The following PTPRT variants were observed in gnomAD, a reference collection of about 807,000 sequenced individuals.
The protein encoded by PTPRT is protein tyrosine phosphatase receptor type T.
Under a neutral mutation model 176.8 loss-of-function variants are expected in PTPRT, and 56 were observed. The observed-to-expected ratio is 0.32, with a 90% CI of 0.26 to 0.40. The LOEUF is 0.40. Ranked by LOEUF, PTPRT falls within the 10% of genes least tolerant of loss-of-function variation. The pLI, the probability that PTPRT is intolerant of heterozygous loss-of-function variation, is 1.00. For synonymous variants in PTPRT, 783 were observed against 739.0 expected (o/e 1.06, Z -0.96); for missense variants, 1,540 against 1,908.2 (o/e 0.81, Z 3.60).
the PTPRT span, among the ~76,000 whole-genome samples, chr20:42,065,119 T>C: frequency 6.6e-6 from 1 of 152,234 alleles, no homozygotes; most frequent in Non-Finnish European, 1.5e-5. Flanking sequence ...GGCTTAAAGA[T>C]GTCTGTAGTC....
intron 1 of PTPRT, among the ~76,000 whole-genome samples, chr20:43,104,848 T>C (rs1040915412): frequency 2.6e-5 from 4 of 152,184 alleles, no homozygotes; most frequent in Non-Finnish European, 4.4e-5. Context: ...GAGTATTAAA[T>C]AGATAATGCA....
chr20:42,982,245 C>T lies in PTPRT; in HGVS notation c.89-96313G>A, dbSNP rs190914835. Among the ~76,000 whole-genome samples the T allele has an allele frequency of 1.9e-3, 293 of 152,268 alleles. 1 individual carries two copies. The highest frequency in any genetic ancestry group is 0.011 in the East Asian group (55 of 5,184). On this transcript the variant is annotated intron_variant, in intron 1 of 30. Coordinates refer to ENST00000373187, the MANE Select transcript of PTPRT (RefSeq NM_007050.6). ...AACGTACTCAGCATCATTATGCTGC[C>T]GGCACGGGGCTGGGTGGTGGAGAGA...
intron 1 of PTPRT, among the ~76,000 whole-genome samples, chr20:42,955,739 G>C (rs1276777964): frequency 6.6e-6 from 1 of 152,032 alleles, no homozygotes; most frequent in African/African-American, 2.4e-5. Flanking sequence ...CCCAGGAACA[G>C]AGGCTGAGGC....
At chr20:42,052,519 A>AT in the PTPRT span, among the ~76,000 whole-genome samples, 5 of 151,472 alleles carry the variant, frequency 3.3e-5, no homozygotes, top group East Asian at 1.9e-4. Flanking sequence ...CTCCCATACC[A>AT]TTTTTTTTAG....
At chr20:42,088,123 G>A (rs900359787) in intron 27 of PTPRT, among the ~76,000 whole-genome samples, 3 of 152,064 alleles carry the variant, frequency 2.0e-5, no homozygotes, top group Middle Eastern at 3.2e-3. Flanking sequence ...ACAAGATTGC[G>A]GCTGCAGGCT....
chr20:42,875,459 G>A (rs2078914879), intron 2 of PTPRT, among the ~76,000 whole-genome samples: 1 of 152,156 alleles, frequency 6.6e-6, no homozygotes, highest in Non-Finnish European at 1.5e-5. Flanking sequence ...GTAGCTCCAA[G>A]TACACGAAAA....
At chr20:42,987,602 G>C (rs1835303221) in intron 1 of PTPRT, among the ~76,000 whole-genome samples, 1 of 151,874 alleles carries the variant, frequency 6.6e-6, no homozygotes, top group South Asian at 2.1e-4. Flanking sequence ...CATACCAAAT[G>C]TCAGCCACCT....
intron 11 of PTPRT, among the ~76,000 whole-genome samples, chr20:42,324,286 T>C (rs2057849434): frequency 2.6e-5 from 4 of 152,200 alleles, no homozygotes; most frequent in Admixed American, 2.6e-4. Flanking sequence ...TATTGTATGA[T>C]TCTATTCGTA....
chr20:42,262,422 G>T (rs1410618782), intron 13 of PTPRT, among the ~76,000 whole-genome samples: 1 of 152,276 alleles, frequency 6.6e-6, no homozygotes, highest in East Asian at 1.9e-4. Context: ...GAGATCCCAG[G>T]CGAGACACTG....
chr20:42,539,152 G>T (rs1026157957), intron 7 of PTPRT, among the ~76,000 whole-genome samples: 1 of 152,108 alleles, frequency 6.6e-6, no homozygotes, highest in African/African-American at 2.4e-5. Flanking sequence ...TTGGTATTCA[G>T]TAAGACTCAG....
At chr20:42,731,995 T>G (rs2076468576) in intron 6 of PTPRT, among the ~76,000 whole-genome samples, 1 of 152,230 alleles carries the variant, frequency 6.6e-6, no homozygotes, top group Non-Finnish European at 1.5e-5. Flanking sequence ...CCCTACTTAC[T>G]TTCTGTCGTG....
intron 1 of PTPRT, among the ~76,000 whole-genome samples, chr20:42,926,685 G>A (rs569733166): frequency 1.3e-5 from 2 of 152,204 alleles, no homozygotes; most frequent in South Asian, 2.1e-4. Context: ...CTTCCTCCCC[G>A]TGTGCCCAAG....
chr20:42,843,511 G>A (rs1202712183), intron 2 of PTPRT, among the ~76,000 whole-genome samples: 1 of 152,222 alleles, frequency 6.6e-6, no homozygotes, highest in Non-Finnish European at 1.5e-5. Flanking sequence ...GCAGATGGTA[G>A]CATCTCAAAT....
chr20:42,402,113 T>G (rs2058914290), intron 9 of PTPRT, among the ~76,000 whole-genome samples: 3 of 151,998 alleles, frequency 2.0e-5, no homozygotes, highest in South Asian at 4.1e-4. Context: ...TAGAGAAAAG[T>G]GAATGAAGCA....
intron 30 of PTPRT, among the ~76,000 whole-genome samples, chr20:42,081,662 T>C (rs1983341084): frequency 6.6e-6 from 1 of 152,160 alleles, no homozygotes; most frequent in Admixed American, 6.5e-5. Context: ...GCAAAGTAGG[T>C]GTACCAGGAT....
intron 1 of PTPRT, among the ~76,000 whole-genome samples, chr20:42,940,494 G>A (rs1286441315): frequency 3.3e-5 from 5 of 152,184 alleles, no homozygotes; most frequent in Non-Finnish European, 7.3e-5. Context: ...CAAAAAGACA[G>A]GATAGATATG....
At chr20:42,497,826 G>A (rs951528354) in intron 7 of PTPRT, among the ~76,000 whole-genome samples, 2 of 152,110 alleles carry the variant, frequency 1.3e-5, no homozygotes, top group African/African-American at 4.8e-5. Flanking sequence ...AAAGTGCAAG[G>A]TTTTCATGCA....
At chr20:42,523,595 T>C (rs1484748096) in intron 7 of PTPRT, among the ~76,000 whole-genome samples, 1 of 152,182 alleles carries the variant, frequency 6.6e-6, no homozygotes, top group Non-Finnish European at 1.5e-5. Context: ...TCCAGCCAAT[T>C]GCATTTTCTT....
chr20:42,507,921 G>A (rs2205939), intron 7 of PTPRT, among the ~76,000 whole-genome samples: 16,106 of 151,666 alleles, frequency 0.11, 1,017 homozygotes, highest in East Asian at 0.2. Flanking sequence ...TTCACAAAGG[G>A]GTCACATAGG....
Sources: allele counts gnomAD v4.1 joint callset (sites outside exome capture counted in the v4.1 genomes callset), GRCh38; gene constraint gnomAD v4.1.1; transcripts MANE v1.5; gene names NCBI Gene and HGNC (gene_info 2026-07-23, HGNC 2026-07-21).